Variants in ELF2 observed in about 807,000 individuals in gnomAD.
The protein encoded by ELF2 is ETS-related transcription factor Elf-2.
ELF2 carries 11 observed loss-of-function variants against 54.8 expected under a neutral mutation model. That is an observed-to-expected ratio of 0.20 (90% CI 0.13 to 0.33). ELF2 has a LOEUF of 0.33. Ranked by LOEUF, ELF2 falls within the 10% of genes least tolerant of loss-of-function variation. The pLI is 1.00. For synonymous variants in ELF2, 203 were observed against 245.1 expected (o/e 0.83, Z 1.61); for missense variants, 513 against 703.0 (o/e 0.73, Z 3.06).
chr4:139,175,964 T>G (rs1742870984), intron 1 of ELF2, among the ~76,000 whole-genome samples: 1 of 152,208 alleles, frequency 6.6e-6, no homozygotes, highest in African/African-American at 2.4e-5. Context: ...TCACGGAATA[T>G]TTTTTGAGTC....
chr4:139,157,955 G>C (rs891390808), intron 1 of ELF2, among the ~76,000 whole-genome samples: 1 of 152,222 alleles, frequency 6.6e-6, no homozygotes, highest in African/African-American at 2.4e-5. Flanking sequence ...ACTCTGGATA[G>C]AAATACAGGT....
chr4:139,128,288 G>T (rs902194828), intron 3 of ELF2, among the ~76,000 whole-genome samples: 10 of 146,632 alleles, frequency 6.8e-5, no homozygotes, highest in Non-Finnish European at 1.4e-4. Flanking sequence ...AAAAAAAAAA[G>T]AAAAATATTA....
At chr4:139,129,567 C>A (rs1282909231) in intron 3 of ELF2, among the ~76,000 whole-genome samples, 1 of 152,202 alleles carries the variant, frequency 6.6e-6, no homozygotes, top group African/African-American at 2.4e-5. Flanking sequence ...CCTGTTTCCC[C>A]ATTCTGTGTT....
upstream of ELF2, chr4:139,177,226 C>T (rs1024871242): frequency 2.6e-5 from 4 of 151,282 alleles, no homozygotes; most frequent in African/African-American, 9.7e-5. Flanking sequence ...AATGGTTGCC[C>T]CCGCCCCGCT....
At chr4:139,105,408 A>C (rs1355045577) in intron 4 of ELF2, among the ~76,000 whole-genome samples, 1 of 152,222 alleles carries the variant, frequency 6.6e-6, no homozygotes, top group East Asian at 1.9e-4. Flanking sequence ...AATGATGAAT[A>C]GTAATGATGT....
intron 7 of ELF2, among the ~76,000 whole-genome samples, chr4:139,063,322 C>T (rs142982759): frequency 1.7e-3 from 253 of 152,160 alleles, no homozygotes; most frequent in African/African-American, 5.9e-3. Context: ...ATTTTCTAAT[C>T]GCTTTCTACT....
chr4:139,089,352 A>G (rs1427600386), intron 4 of ELF2, among the ~76,000 whole-genome samples: 1 of 152,200 alleles, frequency 6.6e-6, no homozygotes, highest in Non-Finnish European at 1.5e-5. Flanking sequence ...TAACATAGTC[A>G]TATCCCCTTC....
intron 1 of ELF2, among the ~76,000 whole-genome samples, chr4:139,162,798 G>A (rs1349509864): frequency 6.6e-6 from 1 of 151,970 alleles, no homozygotes; most frequent in Non-Finnish European, 1.5e-5. Context: ...GAGAATGTTT[G>A]TAAAAAATAT....
chr4:139,111,441 T>G (rs1203955724), intron 4 of ELF2, among the ~76,000 whole-genome samples: 1 of 151,540 alleles, frequency 6.6e-6, no homozygotes, highest in African/African-American at 2.4e-5. Flanking sequence ...CTTGAACTCC[T>G]GGGACTGCAA....
intron 4 of ELF2, chr4:139,114,880 G>A: frequency 1.2e-6 from 2 of 1,607,020 alleles, no homozygotes; most frequent in Non-Finnish European, 8.5e-7. Context: ...ACGAGGTTGG[G>A]GGGCAGCGAT....
At chr4:139,143,099 A>C (rs1413003666) in intron 1 of ELF2, among the ~76,000 whole-genome samples, 2 of 152,102 alleles carry the variant, frequency 1.3e-5, no homozygotes, top group African/African-American at 4.8e-5. Flanking sequence ...ACCCTGGCTA[A>C]AGGCTTACAA....
chr4:139,081,393 A>T (rs1286516495), intron 4 of ELF2, among the ~76,000 whole-genome samples: 1 of 152,214 alleles, frequency 6.6e-6, no homozygotes, highest in Non-Finnish European at 1.5e-5. Flanking sequence ...GACAGTGATA[A>T]TATTAAGTGT....
rs114877817 is a variant in ELF2, at chr4:139,152,186, G to A, written c.-251-12689C>T. 6.3e-3 allele frequency among the ~76,000 whole-genome samples: 965 copies of A among 152,098 alleles called. 14 individuals carry two copies. Among genetic ancestry groups the A allele is most frequent in the African/African-American group, 0.022 (932 of 41,480 alleles). ...AAATTTGCCACTCATAAAAATATAA[G>A]AGTGAATTTTACTACATGTAAATTA... On this transcript the variant is annotated intron_variant, in intron 1 of 9. Coordinates refer to ENST00000686138, the MANE Select transcript of ELF2 (RefSeq NM_001331036.3).
chr4:139,108,893 C>T (rs867546562), intron 4 of ELF2, among the ~76,000 whole-genome samples: 89 of 152,220 alleles, frequency 5.8e-4, no homozygotes, highest in African/African-American at 2.0e-3. Flanking sequence ...AGATCCGGGG[C>T]CCAAATAAGT....
intron 3 of ELF2, among the ~76,000 whole-genome samples, chr4:139,133,972 C>T (rs1244460778): frequency 3.3e-5 from 5 of 152,156 alleles, no homozygotes; most frequent in Non-Finnish European, 5.9e-5. Flanking sequence ...ACTTCTCAAA[C>T]GTGTGAGTCT....
At chr4:139,157,304 T>C (rs1468074921) in intron 1 of ELF2, among the ~76,000 whole-genome samples, 1 of 152,230 alleles carries the variant, frequency 6.6e-6, no homozygotes, top group African/African-American at 2.4e-5. Flanking sequence ...GTGTATCTGA[T>C]CCATCACTGA....
intron 2 of ELF2, among the ~76,000 whole-genome samples, chr4:139,138,357 C>A (rs1050670321): frequency 4.6e-5 from 7 of 150,856 alleles, no homozygotes; most frequent in Non-Finnish European, 8.8e-5. Flanking sequence ...GTGGAGGTTG[C>A]AGTAAGCCAA....
intron 7 of ELF2, among the ~76,000 whole-genome samples, chr4:139,064,201 G>C (rs544999621): frequency 6.6e-6 from 1 of 152,144 alleles, no homozygotes; most frequent in Non-Finnish European, 1.5e-5. Flanking sequence ...CCAGCTACTC[G>C]CAAGGCAGAG....
chr4:139,159,064 AG>A (rs1740834266), intron 1 of ELF2, among the ~76,000 whole-genome samples: 2 of 152,318 alleles, frequency 1.3e-5, no homozygotes, highest in Admixed American at 1.3e-4. Flanking sequence ...GTCTGACAGA[AG>A]GGAAGAAATG....
Sources: allele counts gnomAD v4.1 joint callset (sites outside exome capture counted in the v4.1 genomes callset), GRCh38; gene constraint gnomAD v4.1.1; transcripts MANE v1.5; gene names NCBI Gene and HGNC (gene_info 2026-07-23, HGNC 2026-07-21).